The following BLVRB variants were observed in gnomAD, a reference collection of about 807,000 sequenced individuals.
The protein encoded by BLVRB is biliverdin reductase B, also known as flavin reductase (NADPH).
Under a neutral mutation model 21.1 loss-of-function variants are expected in BLVRB, and 25 were observed. The ratio of observed to expected loss-of-function variants is 1.19; its 90% confidence interval spans 0.86 to 1.66. BLVRB has a LOEUF of 1.66. Ranked by LOEUF, BLVRB falls within the 40% of genes most tolerant of loss-of-function variation. The probability of loss-of-function intolerance (pLI) is 0.00; values close to 1 mark genes in which losing one functional copy is unlikely to be tolerated. For synonymous variants in BLVRB, 128 were observed against 122.2 expected, an observed-to-expected ratio of 1.05 and a Z score of -0.31; for missense variants, 274 against 282.7, an observed-to-expected ratio of 0.97 and a Z score of 0.22.
intron 1 of BLVRB, among the ~76,000 whole-genome samples, chr19:40,460,464 C>CA (rs886632959): frequency 1.6e-4 from 24 of 147,688 alleles, no homozygotes; most frequent in East Asian, 4.0e-4. Context: ...CCCGTCTCTG[C>CA]AAAAAAAATA....
At chr19:40,449,246 AT>A (rs914349413) in intron 4 of BLVRB, among the ~76,000 whole-genome samples, 33 of 148,168 alleles carry the variant, frequency 2.2e-4, no homozygotes, top group Admixed American at 3.4e-4. Context: ...AGTGGGTTGA[AT>A]TTTTTTTTTT....
At chr19:40,463,295 C>T (rs1234587034) in intron 1 of BLVRB, among the ~76,000 whole-genome samples, 2 of 152,194 alleles carry the variant, frequency 1.3e-5, no homozygotes, top group African/African-American at 4.8e-5. Flanking sequence ...AGTCTAAGTA[C>T]CTCCTATATA....
intron 3 of BLVRB, among the ~76,000 whole-genome samples, chr19:40,456,367 G>A (rs1176589022): frequency 6.6e-6 from 1 of 151,546 alleles, no homozygotes; most frequent in Admixed American, 6.6e-5. Context: ...AGGGTACAAT[G>A]AGCTATGATC....
At position 40,447,786 on chromosome 19, in the gene BLVRB, C is replaced by T. The variant is rs2079720441; in HGVS notation, c.*103G>A. 3.8e-6 allele frequency: 5 copies of T among 1,314,750 alleles called. No homozygotes were observed. The highest frequency in any genetic ancestry group is 1.5e-5 in the South Asian group (1 of 67,802). 81.4% of individuals were successfully genotyped at this position (1,314,750 alleles called of 1,614,324 possible). On this transcript the variant is annotated 3_prime_UTR_variant, in exon 5 of 5. Coordinates refer to ENST00000263368, the MANE Select transcript of BLVRB (RefSeq NM_000713.3). ...GCAGAGAGAGGAAGAGTCACACAGTCGGTTTCTCTAGAGTAATTTGAAGCT... is the reference window on the plus strand; with the variant it reads ...GCAGAGAGAGGAAGAGTCACACAGTTGGTTTCTCTAGAGTAATTTGAAGCT...
Position 40,458,532 on chromosome 19 carries a change from T to C in BLVRB, c.93A>G (p.Thr31=), listed in dbSNP as rs747405072. The C allele has an allele frequency of 1.9e-6, 3 of 1,608,158 alleles. No individual in the cohort carries two copies. In the African/African-American group the frequency reaches 4.0e-5, roughly 21 times the overall value. The change falls in exon 2 of 5, where the codon ACA becomes ACG. Residue 31 remains threonine (T), a synonymous_variant. Transcript: ENST00000263368. ...AQAVQAGYEV[T]VLVRDSSRLP... is the part of the protein sequence containing the mutation. ...GCCTGGAGGAGTCCCGCACCAGCAC[T>C]GTCACTTCGTAACCTGTGGGCAAAG... is the stretch of plus-strand genomic sequence containing the variant.
chr19:40,463,900 T>C (rs1323135762), intron 1 of BLVRB, among the ~76,000 whole-genome samples: 2 of 151,746 alleles, frequency 1.3e-5, no homozygotes, highest in Admixed American at 6.6e-5. Flanking sequence ...GCCAAGTAAC[T>C]GCGATTACAG....
intron 1 of BLVRB, among the ~76,000 whole-genome samples, chr19:40,464,853 A>C (rs747495881): frequency 6.6e-6 from 1 of 152,114 alleles, no homozygotes; most frequent in African/African-American, 2.4e-5. Flanking sequence ...GTGGGGCCCC[A>C]TATCTGGAAG....
In BLVRB at chr19:40,458,362, CAG is replaced by C. The variant is rs779979935; in HGVS notation, c.244+17_244+18del. The C allele has an allele frequency of 9.7e-6, 15 of 1,549,370 alleles. No individual in the cohort carries two copies. The African/African-American group carries it at 1.5e-4, about 15-fold the overall frequency. On this transcript the variant is annotated intron_variant, in intron 2 of 4. Coordinates refer to ENST00000263368, the MANE Select transcript of BLVRB (RefSeq NM_000713.3). ...CCGAGGTGTAGGGGAGGGCCGTGGGCAGAGGGGGGGCTCAGTACTGAGGTCAT... is the reference window on the plus strand; with the variant it reads ...CCGAGGTGTAGGGGAGGGCCGTGGGCAGGGGGGGCTCAGTACTGAGGTCAT...
At position 40,465,715 on chromosome 19, in the gene BLVRB, C is replaced by A. The variant is rs1362259503; in HGVS notation, c.-27G>T. 6.2e-7 allele frequency: 1 copy of A among 1,609,002 alleles called. No homozygotes were observed. Among genetic ancestry groups the A allele is most frequent in the African/African-American group, 1.3e-5 (1 of 74,962 alleles). On this transcript the variant is annotated 5_prime_UTR_variant, in exon 1 of 5. It adds an upstream start codon to the 5' untranslated region. Coordinates refer to ENST00000263368, the MANE Select transcript of BLVRB (RefSeq NM_000713.3). ...GTACGGGATCGTGGGGGTGCAAGGC[C>A]TCAGAGTCTCGGCACGCGCGGGAAC...
chr19:40,458,731 T>C (rs1483932714), intron 1 of BLVRB, among the ~76,000 whole-genome samples, 186 bp from the exon 2 acceptor site: 1 of 152,114 alleles, frequency 6.6e-6, no homozygotes, highest in Non-Finnish European at 1.5e-5. Context: ...TCTTGCTCAC[T>C]TGCCCAGGCT....
At position 40,458,275 on chromosome 19, in the gene BLVRB, G is replaced by A. The variant is rs367905273; in HGVS notation, c.245-31C>T. 6.3e-6 allele frequency: 10 copies of A among 1,586,640 alleles called. No individual in the cohort carries two copies. In the African/African-American group the frequency reaches 1.3e-4, roughly 21 times the overall value. On this transcript the variant is annotated intron_variant, in intron 2 of 4. Coordinates refer to ENST00000263368, the MANE Select transcript of BLVRB (RefSeq NM_000713.3). ...AGGGGACAGAGAGTGGCTGTCACTG[G>A]TGGGCGGCGGCGGCGGCAGGGGTGG...
chr19:40,464,876 C>T (rs2079803854), intron 1 of BLVRB, among the ~76,000 whole-genome samples: 1 of 152,166 alleles, frequency 6.6e-6, no homozygotes, highest in African/African-American at 2.4e-5. Flanking sequence ...CCAGGCCCAG[C>T]TGGGAGTTGG....
intron 3 of BLVRB, among the ~76,000 whole-genome samples, chr19:40,456,215 G>GGT (rs1011296026): frequency 1.3e-5 from 2 of 152,106 alleles, no homozygotes; most frequent in Non-Finnish European, 2.9e-5. Context: ...GAGGACGGTA[G>GGT]GTGTACTGGT....
At chr19:40,455,126 C>T (rs577012217) in intron 3 of BLVRB, among the ~76,000 whole-genome samples, 1 of 152,278 alleles carries the variant, frequency 6.6e-6, no homozygotes, top group East Asian at 1.9e-4. Context: ...GGATTACAGG[C>T]GTGAGCCACT....
intron 4 of BLVRB, among the ~76,000 whole-genome samples, chr19:40,448,667 T>C (rs1468920420): frequency 6.7e-6 from 1 of 149,666 alleles, no homozygotes; most frequent in African/African-American, 2.5e-5. Context: ...TATATATCTG[T>C]CTATCTGACA....
At chr19:40,463,644 C>T (rs1287287864) in intron 1 of BLVRB, among the ~76,000 whole-genome samples, 1 of 150,542 alleles carries the variant, frequency 6.6e-6, no homozygotes, top group African/African-American at 2.4e-5. Context: ...GCTGTGTCAC[C>T]CAGGCTGGAG....
chr19:40,452,876 A>G (rs1038204463), intron 3 of BLVRB, among the ~76,000 whole-genome samples: 7 of 121,770 alleles, frequency 5.7e-5, no homozygotes, highest in Non-Finnish European at 1.2e-4. Flanking sequence ...AAAACAAAGC[A>G]GAACAAAACA....
chr19:40,458,246 T>C lies in BLVRB; in HGVS notation c.245-2A>G. On this transcript the variant is annotated splice_acceptor_variant, in intron 2 of 4. Transcript: ENST00000263368. LOFTEE classifies it high-confidence loss of function. ...CCTCGGACATCACTGTCGTGGGACCTTAGAGGGGACAGAGAGTGGCTGTCA... is the reference window on the plus strand; with the variant it reads ...CCTCGGACATCACTGTCGTGGGACCCTAGAGGGGACAGAGAGTGGCTGTCA... 6.2e-6 allele frequency: 10 copies of C among 1,612,226 alleles called. No homozygotes were observed. The highest frequency in any genetic ancestry group is 8.5e-6 in the Non-Finnish European group (10 of 1,179,160).
intron 4 of BLVRB, among the ~76,000 whole-genome samples, chr19:40,448,608 A>ATAACAACAACAAATATATATATATATAT (rs1249673226): frequency 7.9e-6 from 1 of 126,378 alleles, no homozygotes; most frequent in African/African-American, 2.8e-5. Flanking sequence ...AACAACAACA[A>ATAACAACAACAAATATATATATATATAT]ATATATATAT....
Sources: allele counts gnomAD v4.1 joint callset (sites outside exome capture counted in the v4.1 genomes callset), GRCh38; gene constraint gnomAD v4.1.1; transcripts MANE v1.5; gene names NCBI Gene and HGNC (gene_info 2026-07-23, HGNC 2026-07-21).